Variants in BANK1 observed in about 807,000 individuals in gnomAD.
BANK1 encodes B cell scaffold protein with ankyrin repeats 1.
BANK1 carries 95 observed loss-of-function variants against 94.5 expected under a neutral mutation model. The ratio of observed to expected loss-of-function variants is 1.00; its 90% CI spans 0.85 to 1.19. The LOEUF (loss-of-function observed/expected upper bound fraction) is 1.19. Ranked by LOEUF, BANK1 falls within the 50% of genes most tolerant of loss-of-function variation. The pLI is 0.00. For missense variants in BANK1, 987 were observed against 932.2 expected, an observed-to-expected ratio of 1.06 and a Z score of -0.77; for synonymous variants, 334 against 308.4, an observed-to-expected ratio of 1.08 and a Z score of -0.87.
intron 1 of BANK1, among the ~76,000 whole-genome samples, chr4:101,813,089 GT>G (rs1725779571): frequency 6.6e-6 from 1 of 151,934 alleles, no homozygotes; most frequent in Non-Finnish European, 1.5e-5. Context: ...ATTTTTTATA[GT>G]TTTGGATAAA....
intron 1 of BANK1, among the ~76,000 whole-genome samples, chr4:101,797,932 G>C (rs1484779539): frequency 6.6e-6 from 1 of 152,186 alleles, no homozygotes; most frequent in Non-Finnish European, 1.5e-5. Flanking sequence ...ACTCAGGATA[G>C]AGACCTGTGG....
intron 7 of BANK1, among the ~76,000 whole-genome samples, chr4:101,941,804 T>C (rs1723752751): frequency 6.6e-6 from 1 of 151,816 alleles, no homozygotes; most frequent in Non-Finnish European, 1.5e-5. Flanking sequence ...TTGTATTCCA[T>C]ATTTTTCATT....
chr4:101,809,016 G>T (rs1185370124), intron 1 of BANK1, among the ~76,000 whole-genome samples: 4 of 152,074 alleles, frequency 2.6e-5, no homozygotes, highest in African/African-American at 9.7e-5. Flanking sequence ...CAAAGGAAAA[G>T]AAGTCATTAT....
At chr4:101,969,053 C>G (rs1389058706) in intron 7 of BANK1, among the ~76,000 whole-genome samples, 2 of 151,920 alleles carry the variant, frequency 1.3e-5, no homozygotes, top group Non-Finnish European at 2.9e-5. Flanking sequence ...GAAGGAGAGT[C>G]GTCTCTACCA....
chr4:101,962,309 CTT>C (rs980743067), intron 7 of BANK1, among the ~76,000 whole-genome samples: 1 of 152,076 alleles, frequency 6.6e-6, no homozygotes, highest in Admixed American at 6.6e-5. Flanking sequence ...TTCTCTGAGT[CTT>C]TATTCTTTCC....
At chr4:101,889,463 T>A (rs1194359023) in intron 5 of BANK1, among the ~76,000 whole-genome samples, 2 of 151,392 alleles carry the variant, frequency 1.3e-5, no homozygotes, top group African/African-American at 2.4e-5. Context: ...CCGGGCGCGG[T>A]GGCGGGCGCC....
At chr4:101,849,311 TC>T (rs1201544682) in intron 2 of BANK1, among the ~76,000 whole-genome samples, 1 of 152,158 alleles carries the variant, frequency 6.6e-6, no homozygotes, top group Non-Finnish European at 1.5e-5. Flanking sequence ...ACTTCCTGGA[TC>T]TCATGGAGAC....
In BANK1 at chr4:101,829,919, G is replaced by C; in HGVS notation, c.182G>C (p.Arg61Pro). Residue 61 changes from arginine to proline, a missense_variant, in exon 2 of 17, where the codon CGC becomes CCC. Coordinates refer to ENST00000322953, the MANE Select transcript of BANK1 (RefSeq NM_017935.5). Reference protein sequence around the residue: ...VVKREAILLYRLENFSFRHLE... With the variant: ...VVKREAILLYPLENFSFRHLE... ...AAAAGGGAAGCCATCCTGTTATATC[G>C]CTTGGAGAATTTCTCTTTTCGGCAT... 7.4e-6 allele frequency: 12 copies of C among 1,613,622 alleles called. No individual in the cohort carries two copies. Among genetic ancestry groups the C allele is most frequent in the Admixed American group, 5.0e-5 (3 of 59,996 alleles).
chr4:101,802,309 T>A (rs1348625026), intron 1 of BANK1, among the ~76,000 whole-genome samples: 1 of 152,234 alleles, frequency 6.6e-6, no homozygotes, highest in Non-Finnish European at 1.5e-5. Context: ...AAAGCTTTAG[T>A]GACATAATCA....
chr4:101,935,521 G>T (rs1413097760), intron 7 of BANK1, among the ~76,000 whole-genome samples: 2 of 151,472 alleles, frequency 1.3e-5, no homozygotes, highest in African/African-American at 2.4e-5. Context: ...CACTTATCAA[G>T]AATTTCTTGA....
chr4:101,942,811 A>C (rs1723799946), intron 7 of BANK1, among the ~76,000 whole-genome samples: 3 of 151,954 alleles, frequency 2.0e-5, no homozygotes, highest in Admixed American at 2.0e-4. Context: ...TATTAAAAAT[A>C]AAATGTTTAA....
chr4:101,827,276 T>C (rs1015651218), intron 1 of BANK1, among the ~76,000 whole-genome samples: 3 of 151,908 alleles, frequency 2.0e-5, no homozygotes, highest in Non-Finnish European at 2.9e-5. Flanking sequence ...TTACATGCTA[T>C]CTTTAAATAT....
intron 7 of BANK1, among the ~76,000 whole-genome samples, chr4:101,978,850 T>A (rs1725229079): frequency 6.6e-6 from 1 of 152,070 alleles, no homozygotes; most frequent in African/African-American, 2.4e-5. Flanking sequence ...TTAACTAACA[T>A]CACCAAATTT....
intron 6 of BANK1, among the ~76,000 whole-genome samples, chr4:101,910,708 A>C (rs1434892155): frequency 2.0e-5 from 3 of 151,900 alleles, no homozygotes; most frequent in Admixed American, 6.6e-5. Flanking sequence ...AAAAAAAAAA[A>C]AAAAAACCAT....
At chr4:101,841,846 A>G (rs1341183735) in intron 2 of BANK1, among the ~76,000 whole-genome samples, 7 of 139,598 alleles carry the variant, frequency 5.0e-5, no homozygotes, top group Admixed American at 3.2e-4. Flanking sequence ...TCATTGTTCA[A>G]TTCCCACCTA....
At chr4:101,920,206 C>T (rs1174717716) in intron 7 of BANK1, among the ~76,000 whole-genome samples, 3 of 151,830 alleles carry the variant, frequency 2.0e-5, no homozygotes, top group Non-Finnish European at 4.4e-5. Context: ...AAGCATCACA[C>T]ACCAGGGCCT....
chr4:102,048,394 T>C (rs1346127861), intron 11 of BANK1, among the ~76,000 whole-genome samples: 1 of 152,166 alleles, frequency 6.6e-6, no homozygotes, highest in East Asian at 1.9e-4. Context: ...GTTGATTTCA[T>C]CCAACCATAT....
chr4:101,831,506 G>T (rs774153589), intron 2 of BANK1, among the ~76,000 whole-genome samples: 2 of 151,972 alleles, frequency 1.3e-5, no homozygotes, highest in South Asian at 4.2e-4. Flanking sequence ...ACAGAGTCTC[G>T]CTCTGTCATC....
At chr4:101,931,191 A>G (rs1383696181) in intron 7 of BANK1, among the ~76,000 whole-genome samples, 1 of 151,500 alleles carries the variant, frequency 6.6e-6, no homozygotes, top group African/African-American at 2.4e-5. Flanking sequence ...TTCCTGGGCC[A>G]CAGGATGCCC....
Sources: gnomAD v4.1 joint callset for allele counts (sites outside exome capture counted in the v4.1 genomes callset) on GRCh38, gnomAD v4.1.1 for gene constraint, MANE v1.5 for transcripts, NCBI Gene and HGNC (gene_info 2026-07-23, HGNC 2026-07-21) for gene names.